The following CPSF3 variants were observed in gnomAD, a reference collection of about 807,000 sequenced individuals.
The protein encoded by CPSF3 is cleavage and polyadenylation specific factor 3.
Under a neutral mutation model 84.1 loss-of-function variants are expected in CPSF3, and 57 were observed. That is an observed-to-expected ratio of 0.68 (90% CI 0.55 to 0.85). The LOEUF (loss-of-function observed/expected upper bound fraction) is 0.85. Among genes scored for constraint, CPSF3 ranks in the 40% least tolerant of loss-of-function variants. CPSF3 has a pLI of 0.00. For missense variants in CPSF3, 522 were observed against 838.8 expected (o/e 0.62, Z 4.66); for synonymous variants, 275 against 278.1 (o/e 0.99, Z 0.11).
chr2:9,472,399 G>T (rs941507982), intron 17 of CPSF3, among the ~76,000 whole-genome samples: 3 of 151,856 alleles, frequency 2.0e-5, no homozygotes, highest in African/African-American at 7.3e-5. Context: ...TGAGTAGATA[G>T]CCACATCCAT....
chr2:9,466,264 AAAGACGCACG>A (rs1443382782), intron 15 of CPSF3, among the ~76,000 whole-genome samples: 8 of 43,756 alleles, frequency 1.8e-4, no homozygotes, highest in Non-Finnish European at 5.6e-4. Context: ...ACACGCACAC[AAAGACGCACG>A]CACACACGTG....
At chr2:9,458,442 T>C (rs1243521038) in intron 14 of CPSF3, among the ~76,000 whole-genome samples, 1 of 152,144 alleles carries the variant, frequency 6.6e-6, no homozygotes, top group African/African-American at 2.4e-5. Flanking sequence ...GGAGTAGTTA[T>C]CTATAAACAT....
chr2:9,466,289 CACAG>C (rs1681937518), intron 15 of CPSF3, among the ~76,000 whole-genome samples: 2 of 140,708 alleles, frequency 1.4e-5, no homozygotes, highest in Non-Finnish European at 3.2e-5. Context: ...CACGTGCGCA[CACAG>C]ACGCATGCAC....
intron 11 of CPSF3, among the ~76,000 whole-genome samples, chr2:9,448,587 T>A (rs1400358496): frequency 6.6e-6 from 1 of 152,242 alleles, no homozygotes; most frequent in Non-Finnish European, 1.5e-5. Flanking sequence ...AGACGGAGTC[T>A]CGCTCTGTCA....
intron 4 of CPSF3, among the ~76,000 whole-genome samples, chr2:9,431,552 C>CTTTTT (rs1203852978): frequency 2.3e-5 from 1 of 42,658 alleles, no homozygotes; most frequent in Non-Finnish European, 6.7e-5. Context: ...TTTTTTTTTT[C>CTTTTT]TTTTTTTTTT....
At chr2:9,437,426 A>AC (rs375265460) in intron 7 of CPSF3, among the ~76,000 whole-genome samples, 63 of 150,926 alleles carry the variant, frequency 4.2e-4, no homozygotes, top group African/African-American at 1.4e-3. Flanking sequence ...AACAACAACA[A>AC]AAAAAAAACT....
At chr2:9,448,434 C>A in intron 11 of CPSF3, 84 bp downstream of exon 11, 2 of 1,131,826 alleles carry the variant, frequency 1.8e-6, no homozygotes, top group South Asian at 3.8e-5. Flanking sequence ...GATCTTTAGT[C>A]AAAAGAATAT....
chr2:9,466,511 C>T (rs1342838603), intron 15 of CPSF3, among the ~76,000 whole-genome samples: 3 of 152,196 alleles, frequency 2.0e-5, no homozygotes, highest in Non-Finnish European at 2.9e-5. Flanking sequence ...GTGAGAGGAT[C>T]ACCAGAGCAC....
chr2:9,458,195 G>A (rs1244136021), intron 14 of CPSF3, among the ~76,000 whole-genome samples: 9 of 152,080 alleles, frequency 5.9e-5, no homozygotes, highest in Non-Finnish European at 1.0e-4. Context: ...CCTGAGATCA[G>A]GAGTTCGAGA....
At chr2:9,455,364 G>C (rs144740924) in intron 12 of CPSF3, among the ~76,000 whole-genome samples, 239 of 152,134 alleles carry the variant, frequency 1.6e-3, no homozygotes, top group African/African-American at 5.6e-3. Context: ...TTGAACTCCT[G>C]ATCTCGTGAT....
chr2:9,425,912 C>G (rs542031164), intron 1 of CPSF3, among the ~76,000 whole-genome samples: 15 of 152,338 alleles, frequency 9.8e-5, no homozygotes, highest in African/African-American at 3.4e-4. Context: ...CATAGACAAT[C>G]CCCACTACCT....
rs140164150 is a variant in CPSF3, at chr2:9,462,548, G to A, written c.1786+2930G>A. Among the ~76,000 whole-genome samples the A allele has an allele frequency of 2.9e-3, 447 of 152,238 alleles. 4 individuals are homozygous for A. Among genetic ancestry groups the A allele is most frequent in the African/African-American group, 9.8e-3 (408 of 41,538 alleles). On this transcript the variant is annotated intron_variant, in intron 15 of 17. Transcript: ENST00000238112. ...TGTTCTGATGAGGGCTCTGCCTAGC[G>A]GTGATGCTGAAAAACAAGAGGTGCT...
intron 10 of CPSF3, among the ~76,000 whole-genome samples, chr2:9,445,088 A>G (rs1205086325): frequency 6.6e-6 from 1 of 152,228 alleles, no homozygotes; most frequent in Non-Finnish European, 1.5e-5. Context: ...TTGTACAACC[A>G]TCACCACTGT....
intron 5 of CPSF3, among the ~76,000 whole-genome samples, chr2:9,433,254 G>A (rs1680659094): frequency 1.3e-5 from 2 of 152,212 alleles, no homozygotes; most frequent in African/African-American, 4.8e-5. Flanking sequence ...GAAAATAACT[G>A]TTGAATCAAA....
intron 16 of CPSF3, among the ~76,000 whole-genome samples, chr2:9,469,454 C>T (rs372507719): frequency 2.8e-4 from 42 of 152,130 alleles, no homozygotes; most frequent in African/African-American, 9.7e-4. Flanking sequence ...GAATAGAAAA[C>T]CCGTGTGGCC....
intron 12 of CPSF3, 55 bp from the exon 13 acceptor site, chr2:9,455,604 G>A: frequency 1.7e-6 from 2 of 1,196,414 alleles, no homozygotes; most frequent in South Asian, 1.3e-5. Flanking sequence ...TTTGCTCCTG[G>A]TATGTGTTTT....
intron 15 of CPSF3, among the ~76,000 whole-genome samples, chr2:9,463,754 C>G (rs1007307514): frequency 6.6e-6 from 1 of 152,188 alleles, no homozygotes; most frequent in Admixed American, 6.5e-5. Context: ...GACTGTGGCC[C>G]ACAAGCCACA....
chr2:9,431,224 GT>G (rs1680573731), intron 4 of CPSF3, among the ~76,000 whole-genome samples: 1 of 152,126 alleles, frequency 6.6e-6, no homozygotes. Flanking sequence ...ACCCAGCAGA[GT>G]TTTTTGTTTT....
chr2:9,464,398 A>G (rs1190016687), intron 15 of CPSF3, among the ~76,000 whole-genome samples: 1 of 151,946 alleles, frequency 6.6e-6, no homozygotes, highest in Admixed American at 6.6e-5. Flanking sequence ...GTTTCTTTTG[A>G]TAGTTTCATA....
Sources: gnomAD v4.1 joint callset for allele counts (sites outside exome capture counted in the v4.1 genomes callset) on GRCh38, gnomAD v4.1.1 for gene constraint, MANE v1.5 for transcripts, NCBI Gene and HGNC (gene_info 2026-07-23, HGNC 2026-07-21) for gene names.